Variants in LATS2 observed in about 807,000 individuals in gnomAD.
LATS2 encodes serine/threonine-protein kinase LATS2.
A neutral mutation model predicts 76.0 loss-of-function variants in LATS2; 24 were observed. The ratio of observed to expected loss-of-function variants is 0.32; its 90% CI spans 0.23 to 0.44. The LOEUF (loss-of-function observed/expected upper bound fraction) is 0.44, where lower values mean the gene tolerates loss of function less well. LATS2 is among the 20% of genes least tolerant of loss of function. The probability of loss-of-function intolerance (pLI) is 1.00; values close to 1 mark genes in which losing one functional copy is unlikely to be tolerated. For missense variants in LATS2, 1,286 were observed against 1,481.2 expected (o/e 0.87, Z 2.16); for synonymous variants, 692 against 635.4 (o/e 1.09, Z -1.34).
chr13:21,011,172 C>T (rs560008957), intron 2 of LATS2, among the ~76,000 whole-genome samples: 2 of 152,208 alleles, frequency 1.3e-5, no homozygotes, highest in African/African-American at 2.4e-5. Context: ...GGACCATGGC[C>T]GTTTCTACCT....
chr13:21,027,398 A>G (rs1320396738), intron 2 of LATS2, among the ~76,000 whole-genome samples: 1 of 152,230 alleles, frequency 6.6e-6, no homozygotes, highest in Non-Finnish European at 1.5e-5. Flanking sequence ...GTGAGGTCAG[A>G]GTAAATGTTA....
rs896038044 is a variant in LATS2, at chr13:21,009,997, C to G, written c.343-18593G>C. 3.9e-5 allele frequency among the ~76,000 whole-genome samples: 6 copies of G among 152,158 alleles called. No homozygotes were observed. The East Asian group carries it at 1.2e-3, about 29-fold the overall frequency. On this transcript the variant is annotated intron_variant, in intron 2 of 7. Coordinates refer to ENST00000382592, the MANE Select transcript of LATS2 (RefSeq NM_014572.3). ...GACAGACTGCCTGAGGTCAGGTGTT[C>G]GAGACCAGCCTGGCCAACATGATGA...
intron 2 of LATS2, among the ~76,000 whole-genome samples, chr13:21,043,589 C>A (rs1009780722): frequency 2.6e-5 from 4 of 152,136 alleles, no homozygotes; most frequent in Non-Finnish European, 5.9e-5. Flanking sequence ...TGAATTATTT[C>A]AAGGGCATTA....
chr13:21,018,974 T>C (rs1220274819), intron 2 of LATS2, among the ~76,000 whole-genome samples: 1 of 152,106 alleles, frequency 6.6e-6, no homozygotes, highest in Non-Finnish European at 1.5e-5. Flanking sequence ...CTAATTTTCC[T>C]TTCTACTTTT....
At chr13:21,003,425 T>C (rs1489714334) in intron 2 of LATS2, among the ~76,000 whole-genome samples, 6 of 149,284 alleles carry the variant, frequency 4.0e-5, no homozygotes, top group African/African-American at 1.2e-4. Context: ...CTAATTTTTG[T>C]CTGTCTTTCT....
chr13:21,008,899 T>C (rs974760307), intron 2 of LATS2, among the ~76,000 whole-genome samples: 2 of 152,190 alleles, frequency 1.3e-5, no homozygotes, highest in Non-Finnish European at 2.9e-5. Context: ...ACTGTACTTA[T>C]GTCTGTAGGG....
Position 20,985,716 on chromosome 13 carries a change from C to T in LATS2, c.1900-1910G>A, listed in dbSNP as rs775118892. Among the ~76,000 whole-genome samples, 4 of 151,882 alleles carry T rather than the reference C, an allele frequency of 2.6e-5. No homozygotes were observed. In the East Asian group the frequency reaches 5.8e-4, roughly 22 times the overall value. On this transcript the variant is annotated intron_variant, in intron 4 of 7. Coordinates refer to ENST00000382592, the MANE Select transcript of LATS2 (RefSeq NM_014572.3). Reference sequence around the variant, plus strand: ...TTTCACCACTGCACTCCAGCCTGGGCAATAGAGCAAGACTCCGTCTTAATT... The same window carrying T: ...TTTCACCACTGCACTCCAGCCTGGGTAATAGAGCAAGACTCCGTCTTAATT...
rs533272037 is a variant in LATS2 at position 20,991,208 on chromosome 13, C to T, written c.475+64G>A. 2.1e-5 allele frequency: 33 copies of T among 1,600,088 alleles called. No homozygotes were observed. Among genetic ancestry groups the T allele is most frequent in the Middle Eastern group, 1.7e-4 (1 of 5,996 alleles). On this transcript the variant is annotated intron_variant, in intron 3 of 7. Transcript: ENST00000382592. This position sits in a 1 kb window ranked among gnomAD's most constrained non-coding sequence, Gnocchi z 4.9. ...CCAGGCCAGGTTGGACCCCTCTGCA[C>T]GTGGTTTTGTTGTCCTTAAGCCACA...
chr13:21,042,736 C>T (rs987116312), intron 2 of LATS2, among the ~76,000 whole-genome samples: 1 of 152,090 alleles, frequency 6.6e-6, no homozygotes, highest in Non-Finnish European at 1.5e-5. Context: ...CGCCTGTAAT[C>T]CCAGCACTTT....
chr13:21,023,671 A>C (rs1872170806), intron 2 of LATS2, among the ~76,000 whole-genome samples: 2 of 29,132 alleles, frequency 6.9e-5, no homozygotes, highest in East Asian at 5.8e-4. Flanking sequence ...AAAAAAAAAA[A>C]AAAAAAAAAA....
chr13:20,988,760 G>C lies in LATS2; in HGVS notation c.1020C>G (p.Ser340Arg). The C allele has an allele frequency of 6.3e-7, 1 of 1,580,686 alleles. No homozygotes were observed. The highest frequency in any genetic ancestry group is 8.5e-7 in the Non-Finnish European group (1 of 1,170,360). The change falls in exon 4 of 8, where the codon AGC (serine) becomes AGG (arginine). Residue 340 changes from serine (S) to arginine (R), a missense_variant. By Grantham distance (110) the Ser-to-Arg change is moderately radical. Coordinates refer to ENST00000382592, the MANE Select transcript of LATS2 (RefSeq NM_014572.3). ...VLGSRSQVFASDSPPQSLLTP... is the reference protein window; with the variant it reads ...VLGSRSQVFARDSPPQSLLTP... ...TGAGCAGGCTCTGCGGGGGGCTGTC[G>C]CTGGCGAACACCTGGCTGCGGGAGC...
chr13:21,050,440 A>G (rs1399244063), intron 1 of LATS2, among the ~76,000 whole-genome samples: 1 of 152,120 alleles, frequency 6.6e-6, no homozygotes, highest in Non-Finnish European at 1.5e-5. Context: ...CCAGTTTTTG[A>G]ACTGTATATC....
intron 2 of LATS2, among the ~76,000 whole-genome samples, chr13:21,019,298 GTTATTA>G (rs72479904): frequency 0.38 from 54,190 of 143,800 alleles, 11,698 homozygotes; most frequent in South Asian, 0.48. Context: ...ACTTGGATTT[GTTATTA>G]TTATTATTAT....
At chr13:21,043,490 T>C (rs1035181081) in intron 2 of LATS2, among the ~76,000 whole-genome samples, 27 of 152,212 alleles carry the variant, frequency 1.8e-4, no homozygotes, top group African/African-American at 6.0e-4. Context: ...ATACATTTTT[T>C]ATCTAGGCCA....
intron 2 of LATS2, among the ~76,000 whole-genome samples, chr13:21,024,385 G>A (rs1387471912): frequency 2.6e-5 from 4 of 152,036 alleles, no homozygotes; most frequent in East Asian, 1.9e-4. Flanking sequence ...GCAGTGAGCC[G>A]AGATCGCGCC....
intron 7 of LATS2, among the ~76,000 whole-genome samples, chr13:20,977,378 C>A (rs1361533088): frequency 6.8e-6 from 1 of 147,504 alleles, no homozygotes; most frequent in African/African-American, 2.5e-5. Flanking sequence ...AGAGCAAAAC[C>A]CTGTCTCAAA....
chr13:21,025,373 C>CA, intron 2 of LATS2, among the ~76,000 whole-genome samples: 1 of 118,704 alleles, frequency 8.4e-6, no homozygotes, highest in East Asian at 2.2e-4. Context: ...GCCTGGGCGA[C>CA]AAGAGTGAGA....
intron 1 of LATS2, among the ~76,000 whole-genome samples, chr13:21,054,717 C>T (rs1448850703): frequency 9.2e-6 from 1 of 109,214 alleles, no homozygotes; most frequent in Non-Finnish European, 1.9e-5. Flanking sequence ...CAAAGAAATA[C>T]TAAGTGGCCG....
At chr13:21,029,003 T>C (rs559241324) in intron 2 of LATS2, among the ~76,000 whole-genome samples, 2 of 152,376 alleles carry the variant, frequency 1.3e-5, no homozygotes, top group Admixed American at 1.3e-4. Context: ...AATAGATTCC[T>C]TAAGGTGTTC....
Sources: gnomAD v4.1 joint callset for allele counts (sites outside exome capture counted in the v4.1 genomes callset) on GRCh38, gnomAD v4.1.1 for gene constraint, Gnocchi (gnomAD v3.1) non-coding constraint, MANE v1.5 for transcripts, NCBI Gene and HGNC (gene_info 2026-07-23, HGNC 2026-07-21) for gene names.